CYBRD1: variants seen among roughly 807,000 people sequenced by gnomAD.
CYBRD1 encodes the protein cytochrome b reductase 1.
CYBRD1 carries 14 observed loss-of-function variants against 21.9 expected under a neutral mutation model. The observed-to-expected ratio is 0.64, with a 90% CI of 0.42 to 1.00. The LOEUF is 1.00. CYBRD1 is among the 50% of genes least tolerant of loss of function. The pLI is 0.00. For synonymous variants in CYBRD1, 146 were observed against 136.5 expected (o/e 1.07, Z -0.48); for missense variants, 328 against 352.5 (o/e 0.93, Z 0.56).
intron 1 of CYBRD1, among the ~76,000 whole-genome samples, chr2:171,533,369 GAAAACA>G (rs1463528593): frequency 6.6e-5 from 10 of 152,140 alleles, no homozygotes; most frequent in African/African-American, 2.4e-4. Context: ...CTCTGTCTCA[GAAAACA>G]AAAACAAAAA....
chr2:171,538,878 A>G (rs1574437798), intron 1 of CYBRD1, among the ~76,000 whole-genome samples: 1 of 151,956 alleles, frequency 6.6e-6, no homozygotes, highest in Admixed American at 6.6e-5. Flanking sequence ...GTTTACTGCA[A>G]CCTCCGCCTC....
At position 171,554,653 on chromosome 2, in the gene CYBRD1, G is replaced by A. The variant is rs781136091; in HGVS notation, c.687G>A (p.Glu229=). The change falls in exon 4 of 4, where the codon GAG becomes GAA. Residue 229 remains glutamate, a synonymous_variant. Coordinates refer to ENST00000321348, the MANE Select transcript of CYBRD1 (RefSeq NM_024843.4). ...VTRPQWKRPK[E]PNSTILHPNG... ...GACCGCAATGGAAACGTCCTAAGGA[G>A]CCAAATTCTACCATTCTTCATCCAA... 9.3e-6 allele frequency: 15 copies of A among 1,613,922 alleles called. No individual in the cohort carries two copies. In the South Asian group the frequency reaches 1.3e-4, roughly 14 times the overall value.
Position 171,556,178 on chromosome 2 carries a change from TA to T in CYBRD1, c.*1353del, listed in dbSNP as rs1271751779. On this transcript the variant is annotated 3_prime_UTR_variant, in exon 4 of 4. Transcript: ENST00000321348. The stretch of plus-strand genomic sequence containing the variant: ...GCATATCTGTAGCTTTCAAGTTAAT[TA>T]ATTGCAATATTTTTTTCTTCAGGAT... 6.6e-6 allele frequency: 1 copy of T among 152,206 alleles called. No individual in the cohort carries two copies. Among genetic ancestry groups the T allele is most frequent in the African/African-American group, 2.4e-5 (1 of 41,456 alleles). The allele number at this position is 152,206 out of a possible 1,614,324, so 9.4% of individuals were successfully genotyped here.
At position 171,555,604 on chromosome 2, in the gene CYBRD1, C is replaced by G. The variant is rs1024273949; in HGVS notation, c.*777C>G. On this transcript the variant is annotated 3_prime_UTR_variant, in exon 4 of 4. Transcript: ENST00000321348. The stretch of plus-strand genomic sequence containing the variant: ...CAACACTTAAGTAGCATACACTGCC[C>G]TACAAACCTCAGAGAGCACTTTTCC... 1 of 152,218 alleles carries G rather than the reference C, an allele frequency of 6.6e-6. No individual in the cohort carries two copies. The highest frequency in any genetic ancestry group is 1.5e-5 in the Non-Finnish European group (1 of 68,076). 9.4% of individuals were successfully genotyped at this position (152,218 alleles called of 1,614,324 possible).
chr2:171,525,417 C>T (rs921779598), intron 1 of CYBRD1, among the ~76,000 whole-genome samples: 1 of 152,188 alleles, frequency 6.6e-6, no homozygotes, highest in Non-Finnish European at 1.5e-5. Flanking sequence ...TAGTTCTCCC[C>T]AGTTCTTCCA....
intron 1 of CYBRD1, among the ~76,000 whole-genome samples, chr2:171,525,367 G>C (rs538563658): frequency 6.6e-6 from 1 of 152,250 alleles, no homozygotes; most frequent in East Asian, 1.9e-4. Context: ...GCATTTAATT[G>C]ACATGAGCAT....
intron 1 of CYBRD1, chr2:171,540,946 G>A (rs1697621890): frequency 6.5e-6 from 1 of 153,490 alleles, no homozygotes; most frequent in Admixed American, 6.4e-5. Flanking sequence ...TGTATTTTTA[G>A]TAGAGATGGG....
chr2:171,552,391 G>A (rs985413285), intron 2 of CYBRD1, among the ~76,000 whole-genome samples: 1 of 152,134 alleles, frequency 6.6e-6, no homozygotes, highest in African/African-American at 2.4e-5. Context: ...GATTCTCAGT[G>A]TGAATTAGGG....
chr2:171,524,773 G>A (rs1056186381), intron 1 of CYBRD1, among the ~76,000 whole-genome samples: 3 of 152,152 alleles, frequency 2.0e-5, no homozygotes, highest in African/African-American at 7.2e-5. Context: ...TCTAAAATAT[G>A]TTTTGAAACT....
At chr2:171,548,373 A>G (rs961754761) in intron 2 of CYBRD1, among the ~76,000 whole-genome samples, 19 of 152,232 alleles carry the variant, frequency 1.2e-4, no homozygotes, top group African/African-American at 4.6e-4. Context: ...TGAATAATTA[A>G]TCTAAGAGAA....
chr2:171,533,000 G>C (rs1415332514), intron 1 of CYBRD1, among the ~76,000 whole-genome samples: 1 of 151,928 alleles, frequency 6.6e-6, no homozygotes, highest in Non-Finnish European at 1.5e-5. Context: ...AAAAGTAAAA[G>C]AGGATTTGCT....
chr2:171,555,196 T>A lies in CYBRD1; in HGVS notation c.*369T>A, dbSNP rs1683463273. The A allele has an allele frequency of 3.6e-6, 1 of 278,226 alleles. No individual in the cohort carries two copies. Among genetic ancestry groups the A allele is most frequent in the African/African-American group, 2.2e-5 (1 of 44,584 alleles). The allele number at this position is 278,226 out of a possible 1,614,324, so 17.2% of individuals were successfully genotyped here. A position where few individuals can be genotyped will look rare whatever the true frequency, so the allele number is the denominator to read the frequency against. On this transcript the variant is annotated 3_prime_UTR_variant, in exon 4 of 4. Transcript: ENST00000321348. ...CTGTTGTCATGCAGTCATTTCCTGTTAATTCTGGGAGACAATGATTTCACA... is the reference window on the plus strand; with the variant it reads ...CTGTTGTCATGCAGTCATTTCCTGTAAATTCTGGGAGACAATGATTTCACA...
chr2:171,540,967 G>T (rs1453194481), intron 1 of CYBRD1: 1 of 154,564 alleles, frequency 6.5e-6, no homozygotes. Flanking sequence ...GTTTCACCAT[G>T]TTGGCCAGGC....
Position 171,548,645 on chromosome 2 carries a change from T to TAAAAA in CYBRD1, c.403-4684_403-4680dup, listed in dbSNP as rs57266656. On this transcript the variant is annotated intron_variant, in intron 2 of 3. Coordinates refer to ENST00000321348, the MANE Select transcript of CYBRD1 (RefSeq NM_024843.4). ...AAGCTCATTAAATCTACCTGTACCC[T>TAAAAA]AAAAAAAAAAAAAAAAAAAAAGCAA... Among the ~76,000 whole-genome samples, 418 of 89,926 alleles carry TAAAAA rather than the reference T, an allele frequency of 4.6e-3. 9 individuals are homozygous for TAAAAA. The highest frequency in any genetic ancestry group is 0.018 in the African/African-American group (399 of 22,138). 59.0% of individuals were successfully genotyped at this position (89,926 alleles called of 152,430 possible). A position where few individuals can be genotyped will look rare whatever the true frequency, so the allele number is the denominator to read the frequency against.
chr2:171,549,905 C>G (rs1447833436), intron 2 of CYBRD1, among the ~76,000 whole-genome samples: 7 of 152,128 alleles, frequency 4.6e-5, no homozygotes, highest in African/African-American at 1.7e-4. Flanking sequence ...ATTCCACTAC[C>G]TTCTCTTTTG....
At chr2:171,529,986 G>T (rs991100067) in intron 1 of CYBRD1, among the ~76,000 whole-genome samples, 7 of 152,170 alleles carry the variant, frequency 4.6e-5, no homozygotes, top group African/African-American at 1.2e-4. Flanking sequence ...GATTTAGACT[G>T]GGCTCTAAAT....
chr2:171,557,620 A>C lies in CYBRD1; in HGVS notation c.*2793A>C, dbSNP rs1683512754. 6.6e-6 allele frequency: 1 copy of C among 152,206 alleles called. No homozygotes were observed. The highest frequency in any genetic ancestry group is 6.5e-5 in the Admixed American group (1 of 15,268). 9.4% of individuals were successfully genotyped at this position (152,206 alleles called of 1,614,324 possible). On this transcript the variant is annotated 3_prime_UTR_variant, in exon 4 of 4. Transcript: ENST00000321348. ...GTTTCATGTAAGCTGTGCTGTTTAGAAACAACATCTCAGACTTTACAAAGA... is the reference window on the plus strand; with the variant it reads ...GTTTCATGTAAGCTGTGCTGTTTAGCAACAACATCTCAGACTTTACAAAGA...
chr2:171,553,396 C>G lies in CYBRD1; in HGVS notation c.453C>G (p.Leu151=), dbSNP rs1403575897. ...VFLLPWAPLS[L]RAFLMPIHVY... is the part of the protein sequence containing the mutation. ...TGCTTCCATGGGCTCCGCTTTCTCT[C>G]CGAGCATTTCTCATGCCCATACATG... The change falls in exon 3 of 4, where the codon CTC becomes CTG. Residue 151 remains leucine (L), a synonymous_variant. Transcript: ENST00000321348. 2 of 1,613,644 alleles carry G rather than the reference C, an allele frequency of 1.2e-6. No individual in the cohort carries two copies. The highest frequency in any genetic ancestry group is 1.3e-5 in the African/African-American group (1 of 74,896).
Position 171,522,652 on chromosome 2 carries a change from A to G in CYBRD1, c.107A>G (p.Glu36Gly). Residue 36 changes from glutamate (E) to glycine (G), a missense_variant, in exon 1 of 4, where the codon GAG becomes GGG. Transcript: ENST00000321348. The surrounding 1 kb of genome is among the most constrained non-coding windows in gnomAD (Gnocchi z 4.3). ...CTCGTCTGGGTCCTCCACTACCGAG[A>G]GGGGCTTGGCTGGGATGGGAGCGCA... is the stretch of plus-strand genomic sequence containing the variant. ...FALVWVLHYREGLGWDGSALE... is the reference protein window; with the variant it reads ...FALVWVLHYRGGLGWDGSALE... The G allele has an allele frequency of 6.2e-7, 1 of 1,613,012 alleles. No homozygotes were observed.
Sources: allele counts gnomAD v4.1 joint callset (sites outside exome capture counted in the v4.1 genomes callset), GRCh38; gene constraint gnomAD v4.1.1; non-coding constraint Gnocchi (gnomAD v3.1); transcripts MANE v1.5; gene names NCBI Gene and HGNC (gene_info 2026-07-23, HGNC 2026-07-21).